Variants in ANO3 observed in about 807,000 individuals in gnomAD.
ANO3 encodes the protein anoctamin-3.
In ANO3, 99 loss-of-function variants were observed where a neutral mutation model predicts 144.8. The ratio of observed to expected loss-of-function variants is 0.68; its 90% CI spans 0.58 to 0.81. The LOEUF (loss-of-function observed/expected upper bound fraction) is 0.81. Among genes scored for constraint, ANO3 ranks in the 30% least tolerant of loss-of-function variants. ANO3 has a pLI of 0.00. For missense variants in ANO3, 905 were observed against 1,202.2 expected (o/e 0.75, Z 3.66); for synonymous variants, 414 against 392.6 (o/e 1.05, Z -0.64).
intron 1 of ANO3, among the ~76,000 whole-genome samples, chr11:26,326,380 C>T (rs1854882772): frequency 6.6e-6 from 1 of 152,076 alleles, no homozygotes. Flanking sequence ...CCATCTCCTC[C>T]ATCTAGACTT....
chr11:26,561,065 C>G (rs752878624), intron 14 of ANO3: 21 of 1,607,644 alleles, frequency 1.3e-5, no homozygotes, highest in Non-Finnish European at 1.7e-5. Context: ...GCTGTTAGTT[C>G]TATACAGAAG....
intron 1 of ANO3, among the ~76,000 whole-genome samples, chr11:26,239,045 ATAT>A (rs1852596641): frequency 6.8e-6 from 1 of 146,936 alleles, no homozygotes; most frequent in Admixed American, 6.8e-5. Flanking sequence ...ATATAATTTA[ATAT>A]TTATATTAAT....
chr11:26,656,511 A>G (rs2133096505), intron 26 of ANO3, 30 bp downstream of exon 26: 1 of 1,342,004 alleles, frequency 7.5e-7, no homozygotes, highest in South Asian at 1.2e-5. Context: ...GAAAATTACT[A>G]TAGATAAATG....
chr11:26,521,303 A>T (rs1862064853), intron 6 of ANO3, among the ~76,000 whole-genome samples: 1 of 152,206 alleles, frequency 6.6e-6, no homozygotes, highest in African/African-American at 2.4e-5. Context: ...AAATTTATGC[A>T]TTCAAAATTT....
chr11:26,381,583 G>T (rs781567185), intron 1 of ANO3, among the ~76,000 whole-genome samples: 1 of 152,120 alleles, frequency 6.6e-6, no homozygotes, highest in South Asian at 2.1e-4. Context: ...TACCAGTCTT[G>T]TTTACTAGCA....
chr11:26,245,018 T>TGTGTGTGCGCGTGC lies in ANO3; in HGVS notation c.154+55691_154+55692insTGTGCGCGTGCGTG, dbSNP rs151031559. 2.2e-4 allele frequency among the ~76,000 whole-genome samples: 32 copies of TGTGTGTGCGCGTGC among 145,426 alleles called. 1 individual carries two copies. Among genetic ancestry groups the TGTGTGTGCGCGTGC allele is most frequent in the Middle Eastern group, 3.5e-3 (1 of 284 alleles). ...GTGTGTGTGTGTGTGTGTGTGTGTG[T>TGTGTGTGCGCGTGC]GTGCATGCATGCATTTGTCTTTCAT... On this transcript the variant is annotated intron_variant, in intron 1 of 27. Transcript: ENST00000672621.
At chr11:26,403,179 C>T (rs1192534690) in intron 1 of ANO3, among the ~76,000 whole-genome samples, 4 of 151,878 alleles carry the variant, frequency 2.6e-5, no homozygotes. Flanking sequence ...GTTTTAAAAA[C>T]ATGATCAGAT....
intron 13 of ANO3, among the ~76,000 whole-genome samples, chr11:26,557,409 C>A (rs937752626): frequency 6.8e-6 from 1 of 147,708 alleles, no homozygotes; most frequent in African/African-American, 2.5e-5. Context: ...TACAGTGAGC[C>A]GAGATCACAC....
chr11:26,580,758 AATCTT>A (rs1317836021), intron 14 of ANO3, among the ~76,000 whole-genome samples: 1 of 152,236 alleles, frequency 6.6e-6, no homozygotes. Flanking sequence ...CATGGATCAT[AATCTT>A]ATGAGTTTTG....
At chr11:26,453,316 T>C (rs1458000301) in intron 3 of ANO3, among the ~76,000 whole-genome samples, 8 of 151,198 alleles carry the variant, frequency 5.3e-5, no homozygotes, top group Non-Finnish European at 1.0e-4. Context: ...CCCATCAGTG[T>C]GCTGTATTCA....
chr11:26,646,418 A>G (rs1259089378), intron 23 of ANO3, among the ~76,000 whole-genome samples: 1 of 152,096 alleles, frequency 6.6e-6, no homozygotes, highest in Non-Finnish European at 1.5e-5. Flanking sequence ...ATAGATCCCA[A>G]TAAGTAGGAT....
At chr11:26,586,166 T>C (rs1054385969) in intron 14 of ANO3, among the ~76,000 whole-genome samples, 3 of 152,266 alleles carry the variant, frequency 2.0e-5, no homozygotes, top group African/African-American at 7.2e-5. Flanking sequence ...AAAGTACTGA[T>C]GATGGGGTAT....
At chr11:26,454,865 C>T (rs1439334069) in intron 3 of ANO3, among the ~76,000 whole-genome samples, 2 of 151,024 alleles carry the variant, frequency 1.3e-5, no homozygotes, top group Non-Finnish European at 3.0e-5. Context: ...CATCAAAAAG[C>T]TTATCCACCA....
At chr11:26,634,958 A>G in intron 19 of ANO3, 55 bp from the exon 20 acceptor site, 2 of 1,424,380 alleles carry the variant, frequency 1.4e-6, no homozygotes, top group Non-Finnish European at 2.0e-6. Context: ...GCCTAAGTAG[A>G]TGTTCTTCAG....
chr11:26,492,702 T>G (rs1374287224), intron 4 of ANO3, among the ~76,000 whole-genome samples: 3 of 152,218 alleles, frequency 2.0e-5, no homozygotes, highest in Non-Finnish European at 2.9e-5. Flanking sequence ...CATTTCTGTT[T>G]TGTTCAGTGT....
chr11:26,592,790 T>G (rs528298554), intron 14 of ANO3, among the ~76,000 whole-genome samples: 217 of 151,716 alleles, frequency 1.4e-3, no homozygotes, highest in African/African-American at 4.8e-3. Flanking sequence ...TTGGTGAAGG[T>G]TTTTAAGTAA....
intron 1 of ANO3, among the ~76,000 whole-genome samples, chr11:26,293,124 T>A (rs1853998194): frequency 6.6e-6 from 1 of 152,194 alleles, no homozygotes; most frequent in South Asian, 2.1e-4. Flanking sequence ...AATGAATATA[T>A]TTAATACCCA....
intron 1 of ANO3, among the ~76,000 whole-genome samples, chr11:26,295,650 A>G (rs1854072183): frequency 6.6e-6 from 1 of 152,148 alleles, no homozygotes; most frequent in African/African-American, 2.4e-5. Context: ...TTTTAAAATT[A>G]TGTATTTCTA....
Position 26,338,885 on chromosome 11 carries a change from C to T in ANO3, c.46+6564C>T, listed in dbSNP as rs553127589. ...CATCTTTAAGAGCTGTAACACTCAC[C>T]GCGAGGGTCCGCGGCTTCATTCTTG... On this transcript the variant is annotated intron_variant, in intron 1 of 26. Coordinates refer to ENST00000256737, the MANE Select transcript of ANO3 (RefSeq NM_031418.4). Among the ~76,000 whole-genome samples the T allele has an allele frequency of 3.9e-5, 6 of 152,250 alleles. No individual in the cohort carries two copies. In the South Asian group the frequency reaches 1.0e-3, roughly 26 times the overall value.
Sources: gnomAD v4.1 joint callset for allele counts (sites outside exome capture counted in the v4.1 genomes callset) on GRCh38, gnomAD v4.1.1 for gene constraint, MANE v1.5 for transcripts, NCBI Gene and HGNC (gene_info 2026-07-23, HGNC 2026-07-21) for gene names.